Variants in USP34 observed in about 807,000 individuals in gnomAD.
The protein encoded by USP34 is ubiquitin carboxyl-terminal hydrolase 34.
In USP34, 70 loss-of-function variants were observed where a neutral mutation model predicts 460.3. The ratio of observed to expected loss-of-function variants is 0.15; its 90% CI spans 0.13 to 0.19. The LOEUF is 0.19. Ranked by LOEUF, USP34 falls within the 10% of genes least tolerant of loss-of-function variation. The pLI, the probability that USP34 is intolerant of heterozygous loss-of-function variation, is 1.00. For synonymous variants in USP34, 1,647 were observed against 1,405.3 expected (o/e 1.17, Z -3.85); for missense variants, 3,985 against 4,236.2 (o/e 0.94, Z 1.65).
chr2:61,309,794 C>T (rs6736948), intron 27 of USP34, among the ~76,000 whole-genome samples: 23,471 of 152,134 alleles, frequency 0.15, 2,244 homozygotes, highest in South Asian at 0.37. Flanking sequence ...GTATTTTTAT[C>T]AACATTTTAG....
At chr2:61,366,994 A>C (rs545252889) in intron 10 of USP34, among the ~76,000 whole-genome samples, 1 of 152,298 alleles carries the variant, frequency 6.6e-6, no homozygotes, top group African/African-American at 2.4e-5. Flanking sequence ...AGCTGCAGCA[A>C]GTCAAGACTC....
At chr2:61,318,217 A>G (rs905316530) in intron 22 of USP34, among the ~76,000 whole-genome samples, 1 of 151,710 alleles carries the variant, frequency 6.6e-6, no homozygotes, top group Non-Finnish European at 1.5e-5. Context: ...ATGAAAATAT[A>G]TATGTGATTT....
intron 39 of USP34, among the ~76,000 whole-genome samples, chr2:61,279,875 A>G (rs945554279): frequency 1.3e-5 from 2 of 152,224 alleles, no homozygotes; most frequent in African/African-American, 4.8e-5. Context: ...AGTAACTTCT[A>G]TCTGAACTGC....
rs1688490522 is a variant in USP34, at chr2:61,248,762, C to T, written c.6222-79G>A. The T allele has an allele frequency of 2.3e-6, 3 of 1,331,348 alleles. No individual in the cohort carries two copies. The East Asian group carries it at 7.4e-5, about 33-fold the overall frequency. The allele number at this position is 1,331,348 out of a possible 1,614,324, so 82.5% of individuals were successfully genotyped here. A position where few individuals can be genotyped will look rare whatever the true frequency, so the allele number is the denominator to read the frequency against. ...GGTTTGATTTCTGTTATGCTATATC[C>T]ATTTCAATTTTCAACTCAGAGTTAA... On this transcript the variant is annotated intron_variant, in intron 48 of 79. Coordinates refer to ENST00000398571, the MANE Select transcript of USP34 (RefSeq NM_014709.4).
At chr2:61,314,513 TTAAGAA>T in intron 25 of USP34, 66 bp downstream of exon 25, 1 of 1,318,504 alleles carries the variant, frequency 7.6e-7, no homozygotes, top group Non-Finnish European at 9.9e-7. Flanking sequence ...TAGATTCACT[TTAAGAA>T]TATTTCTGGA....
chr2:61,367,589 A>T (rs1372316634), intron 10 of USP34, among the ~76,000 whole-genome samples: 1 of 152,218 alleles, frequency 6.6e-6, no homozygotes, highest in African/African-American at 2.4e-5. Context: ...ATCATTAGTA[A>T]TGAAAAATAT....
At chr2:61,231,281 G>C (rs554390695) in intron 58 of USP34, among the ~76,000 whole-genome samples, 1 of 152,068 alleles carries the variant, frequency 6.6e-6, no homozygotes, top group South Asian at 2.1e-4. Flanking sequence ...AATGGGTATA[G>C]GGTTTTTTTT....
In USP34 at chr2:61,331,502, G is replaced by A. The variant is rs72813543; in HGVS notation, c.2835-131C>T. ...AATTTTAGTTACGAAAAATATACAC[G>A]TTTTATTTATATTTGAATGGTGAAA... On this transcript the variant is annotated intron_variant, in intron 19 of 79. Coordinates refer to ENST00000398571, the MANE Select transcript of USP34 (RefSeq NM_014709.4). The A allele has an allele frequency of 1.1e-4, 64 of 589,304 alleles. 1 individual carries two copies. Among genetic ancestry groups the A allele is most frequent in the South Asian group, 3.7e-4 (9 of 24,584 alleles). 36.5% of individuals were successfully genotyped at this position (589,304 alleles called of 1,614,324 possible).
intron 58 of USP34, among the ~76,000 whole-genome samples, chr2:61,230,142 A>C (rs1687849430): frequency 6.6e-6 from 1 of 152,226 alleles, no homozygotes; most frequent in South Asian, 2.1e-4. Flanking sequence ...GGATGGCTAA[A>C]ATAAAAGACA....
intron 40 of USP34, 24 bp from the exon 41 acceptor site, chr2:61,278,309 C>T: frequency 6.2e-7 from 1 of 1,611,608 alleles, no homozygotes; most frequent in Non-Finnish European, 8.5e-7. Flanking sequence ...AAAAAATACA[C>T]ACAAGCAAGA....
At chr2:61,246,189 AAGTT>A (rs1386163948) in intron 50 of USP34, 131 bp downstream of exon 50, 3 of 570,620 alleles carry the variant, frequency 5.3e-6, no homozygotes, top group Admixed American at 8.0e-5. Flanking sequence ...TGTCTGTTGA[AAGTT>A]ATCTTCATTT....
At chr2:61,387,518 T>TATATATTTATATATACACACATATATAAA (rs1693186438) in intron 5 of USP34, among the ~76,000 whole-genome samples, 1 of 147,894 alleles carries the variant, frequency 6.8e-6, no homozygotes, top group African/African-American at 2.5e-5. Context: ...TATGTATGTA[T>TATATATTTATATATACACACATATATAAA]ATATATTTAT....
chr2:61,299,688 C>A (rs72813521), intron 29 of USP34, among the ~76,000 whole-genome samples: 22,041 of 130,956 alleles, frequency 0.17, 2,157 homozygotes, highest in South Asian at 0.43. Context: ...GAGATCAAGG[C>A]TACAACTGAG....
At chr2:61,458,280 G>C (rs1432332967) in intron 1 of USP34, among the ~76,000 whole-genome samples, 1 of 152,058 alleles carries the variant, frequency 6.6e-6, no homozygotes, top group African/African-American at 2.4e-5. Context: ...GTATATACAG[G>C]CCAGGCACGG....
rs947320356 is a variant in USP34 at position 61,311,462 on chromosome 2, A to T, written c.3817+78T>A. The stretch of plus-strand genomic sequence containing the variant: ...AGAAAAGGAGAATAAAAGAAAAGGA[A>T]AGGAGAAAAGAGAAAGAGAAAGAGA... On this transcript the variant is annotated intron_variant, in intron 27 of 79. Coordinates refer to ENST00000398571, the MANE Select transcript of USP34 (RefSeq NM_014709.4). The T allele has an allele frequency of 3.0e-5, 43 of 1,454,036 alleles. No individual in the cohort carries two copies. In the Middle Eastern group the frequency reaches 6.0e-4, roughly 20 times the overall value. The allele number at this position is 1,454,036 out of a possible 1,614,324, so 90.1% of individuals were successfully genotyped here. A position where few individuals can be genotyped will look rare whatever the true frequency, so the allele number is the denominator to read the frequency against.
chr2:61,205,518 TG>T (rs1157485976), intron 72 of USP34, among the ~76,000 whole-genome samples: 14 of 151,686 alleles, frequency 9.2e-5, no homozygotes, highest in South Asian at 2.1e-4. Flanking sequence ...TCTAATGTAG[TG>T]AAAAAAAAAT....
chr2:61,395,095 A>T, intron 4 of USP34, 88 bp downstream of exon 4: 1 of 1,448,846 alleles, frequency 6.9e-7, no homozygotes, highest in South Asian at 1.3e-5. Context: ...GAAACTCAAA[A>T]GACATATATA....
intron 2 of USP34, among the ~76,000 whole-genome samples, chr2:61,415,419 AT>A (rs1302690088): frequency 2.0e-5 from 3 of 152,186 alleles, no homozygotes; most frequent in African/African-American, 7.2e-5. Flanking sequence ...TTTTTGGCTC[AT>A]TGCTGAGCAA....
At chr2:61,459,573 G>A (rs1418760752) in intron 1 of USP34, among the ~76,000 whole-genome samples, 2 of 151,026 alleles carry the variant, frequency 1.3e-5, no homozygotes, top group South Asian at 2.1e-4. Context: ...TCAAGAGTTC[G>A]AAACCAGCCT....
Sources: gnomAD v4.1 joint callset for allele counts (sites outside exome capture counted in the v4.1 genomes callset) on GRCh38, gnomAD v4.1.1 for gene constraint, MANE v1.5 for transcripts, NCBI Gene and HGNC (gene_info 2026-07-23, HGNC 2026-07-21) for gene names.